MYO16: variants seen among roughly 807,000 people sequenced by gnomAD.
MYO16 encodes the protein myosin XVI.
Under a neutral mutation model 205.3 loss-of-function variants are expected in MYO16, and 94 were observed. The ratio of observed to expected loss-of-function variants is 0.46; its 90% CI spans 0.39 to 0.54. MYO16 has a LOEUF of 0.54. Ranked by LOEUF, MYO16 falls within the 20% of genes least tolerant of loss-of-function variation. The pLI, the probability that MYO16 is intolerant of heterozygous loss-of-function variation, is 0.00. For missense variants in MYO16, 2,315 were observed against 2,387.5 expected, an observed-to-expected ratio of 0.97 and a Z score of 0.63; for synonymous variants, 988 against 954.0, an observed-to-expected ratio of 1.04 and a Z score of -0.66.
chr13:109,016,872 TG>T (rs1471997441), intron 22 of MYO16, among the ~76,000 whole-genome samples: 1 of 152,172 alleles, frequency 6.6e-6, no homozygotes, highest in Admixed American at 6.5e-5. Context: ...GCATGTGAGA[TG>T]GGTCTCCTGA....
Position 109,162,116 on chromosome 13 carries a change from T to C in MYO16, c.5165-2785T>C, listed in dbSNP as rs1878414718. 6.6e-6 allele frequency among the ~76,000 whole-genome samples: 1 copy of C among 152,182 alleles called. No individual in the cohort carries two copies. Among genetic ancestry groups the C allele is most frequent in the Non-Finnish European group, 1.5e-5 (1 of 68,020 alleles). ...CAAAACAAAGCCCAAAAAACATGTC[T>C]TGGCTATAGTTTAACCTGCCAATTG... On this transcript the variant is annotated intron_variant, in intron 32 of 34. Transcript: ENST00000457511. This position sits in a 1 kb window ranked among gnomAD's most constrained non-coding sequence, Gnocchi z 4.6.
intron 10 of MYO16, among the ~76,000 whole-genome samples, chr13:108,853,690 A>C (rs1336457928): frequency 2.0e-5 from 3 of 149,746 alleles, no homozygotes; most frequent in Non-Finnish European, 4.5e-5. Context: ...TCAAACCCAA[A>C]CCCCTAGGTT....
intron 23 of MYO16, among the ~76,000 whole-genome samples, chr13:109,023,675 A>AT (rs1886224327): frequency 7.7e-6 from 1 of 130,180 alleles, no homozygotes; most frequent in Non-Finnish European, 1.6e-5. Flanking sequence ...ATGCAAATAT[A>AT]TGTATATATA....
At chr13:108,674,075 G>A (rs912788032) in intron 2 of MYO16, among the ~76,000 whole-genome samples, 2 of 152,128 alleles carry the variant, frequency 1.3e-5, no homozygotes, top group African/African-American at 4.8e-5. Flanking sequence ...ATTGAATGAT[G>A]TATTCATTGA....
chr13:109,059,642 G>A (rs1257214956), intron 27 of MYO16, among the ~76,000 whole-genome samples: 2 of 152,036 alleles, frequency 1.3e-5, no homozygotes, highest in African/African-American at 4.8e-5. Flanking sequence ...TAAGTTCCTT[G>A]TAGATTCTGG....
chr13:109,137,202 T>C (rs977048841), intron 31 of MYO16, among the ~76,000 whole-genome samples: 1 of 152,066 alleles, frequency 6.6e-6, no homozygotes, highest in Non-Finnish European at 1.5e-5. Context: ...TACATGGAAG[T>C]CAGGGCTACC....
At chr13:108,591,560 T>C (rs985117696), upstream of MYO16, among the ~76,000 whole-genome samples, 2 of 152,198 alleles carry the variant, frequency 1.3e-5, no homozygotes, top group African/African-American at 4.8e-5. Context: ...TCAATGGCTT[T>C]TCATAATGAT....
the MYO16 span, among the ~76,000 whole-genome samples, chr13:108,550,776 T>C: frequency 6.6e-6 from 1 of 152,242 alleles, no homozygotes; most frequent in African/African-American, 2.4e-5. Context: ...TGCTAATATT[T>C]TGGAACTGAA....
At chr13:108,564,418 C>T in the MYO16 span, among the ~76,000 whole-genome samples, 2 of 152,162 alleles carry the variant, frequency 1.3e-5, no homozygotes, top group African/African-American at 4.8e-5. Context: ...ATCTGCCCAT[C>T]TCGGCCTCCT....
intron 2 of MYO16, among the ~76,000 whole-genome samples, chr13:108,668,890 C>A (rs2139440039): frequency 6.6e-6 from 1 of 152,132 alleles, no homozygotes; most frequent in South Asian, 2.1e-4. Flanking sequence ...CCAAAATGCT[C>A]CCTACTACAG....
At chr13:108,842,341 T>G (rs1246741985) in intron 9 of MYO16, among the ~76,000 whole-genome samples, 1 of 152,146 alleles carries the variant, frequency 6.6e-6, no homozygotes, top group Non-Finnish European at 1.5e-5. Context: ...TACATATATG[T>G]GCATATGTAT....
chr13:108,820,318 A>G lies in MYO16; in HGVS notation c.868-19A>G, dbSNP rs142399061. 10 of 1,564,778 alleles carry G rather than the reference A, an allele frequency of 6.4e-6. No individual in the cohort carries two copies. Among genetic ancestry groups the G allele is most frequent in the East Asian group, 2.4e-5 (1 of 41,942 alleles). Reference sequence around the variant, plus strand: ...TTCTGCCATGGTGGTTCCCATTTCAATTATCTTTAATATTTCAGACAAATC... The same window carrying G: ...TTCTGCCATGGTGGTTCCCATTTCAGTTATCTTTAATATTTCAGACAAATC... On this transcript the variant is annotated intron_variant, in intron 7 of 34. Coordinates refer to ENST00000457511, the MANE Select transcript of MYO16 (RefSeq NM_001198950.3).
At chr13:109,193,339 T>C (rs1880007555) in intron 34 of MYO16, among the ~76,000 whole-genome samples, 1 of 152,208 alleles carries the variant, frequency 6.6e-6, no homozygotes, top group South Asian at 2.1e-4. Context: ...AGTGCCTCTC[T>C]TACCTCCAGT....
the MYO16 span, among the ~76,000 whole-genome samples, chr13:108,580,228 A>G: frequency 6.6e-6 from 1 of 152,228 alleles, no homozygotes; most frequent in Admixed American, 6.5e-5. Context: ...CAGCATCTAC[A>G]GATTAGAGGT....
In MYO16 at chr13:109,140,967, G is replaced by C. The variant is rs1250475299; in HGVS notation, c.4755G>C (p.Gly1585=). 1.4e-6 allele frequency: 2 copies of C among 1,462,574 alleles called. No homozygotes were observed. Among genetic ancestry groups the C allele is most frequent in the African/African-American group, 1.5e-5 (1 of 68,234 alleles). 90.6% of individuals were successfully genotyped at this position (1,462,574 alleles called of 1,614,324 possible). A position where few individuals can be genotyped will look rare whatever the true frequency, so the allele number is the denominator to read the frequency against. Residue 1585 remains glycine, a synonymous_variant, in exon 32 of 35, where the codon GGG becomes GGC. Coordinates refer to ENST00000457511, the MANE Select transcript of MYO16 (RefSeq NM_001198950.3). This position sits in a 1 kb window ranked among gnomAD's most constrained non-coding sequence, Gnocchi z 8.0. ...PASPGLALFN[G]SGRASPPSTP... is the part of the protein sequence containing the mutation. ...CCCCCGGCCTGGCGCTGTTCAACGG[G>C]TCCGGCCGAGCCTCCCCGCCGTCCA...
chr13:108,525,400 T>A, the MYO16 span, among the ~76,000 whole-genome samples: 413 of 152,340 alleles, frequency 2.7e-3, 3 homozygotes, highest in African/African-American at 9.3e-3. Context: ...TTGTGAGTGC[T>A]GTGCTCTGCT....
Position 109,019,777 on chromosome 13 carries a change from T to A in MYO16, c.2662T>A (p.Phe888Ile). The change falls in exon 23 of 35, where the codon TTT becomes ATT. Residue 888 changes from phenylalanine to isoleucine, a missense_variant. Phe to Ile is a conservative substitution (Grantham distance 21). This residue lies in a region of MYO16 where 1,213 missense variants were observed against 1,274.4 expected (regional missense o/e 0.95). Coordinates refer to ENST00000457511, the MANE Select transcript of MYO16 (RefSeq NM_001198950.3). ...AATGATTTGGTCAGTGGAATCAAAT[T>A]TTCCAAAAAAACTACAAAGTCTCCT... ...SQMIWSVESN[F>I]PKKLQSLLES... 1 of 1,614,108 alleles carries A rather than the reference T, an allele frequency of 6.2e-7. No individual in the cohort carries two copies. The highest frequency in any genetic ancestry group is 8.5e-7 in the Non-Finnish European group (1 of 1,180,002).
At chr13:108,669,431 A>T (rs1429827563) in intron 2 of MYO16, among the ~76,000 whole-genome samples, 1 of 152,158 alleles carries the variant, frequency 6.6e-6, no homozygotes, top group African/African-American at 2.4e-5. Flanking sequence ...GAGCTCTTTA[A>T]AGGAGGTTTC....
rs779200292 is a variant in MYO16 at position 108,992,407 on chromosome 13, A to G, written c.2401A>G (p.Ile801Val). The change falls in exon 21 of 35, where the codon ATT (isoleucine) becomes GTT (valine). Residue 801 changes from isoleucine (I) to valine (V), a missense_variant. Around this residue, in one of 3 missense-constraint regions of MYO16, gnomAD observed 1,213 missense variants for 1,274.4 expected, o/e 0.95. Coordinates refer to ENST00000457511, the MANE Select transcript of MYO16 (RefSeq NM_001198950.3). ...GACATTGGATATTGGAATATTGGAC[A>G]TTTTTGGTTTTGAAGAGTTTCAAAA... ...MQTLDIGILD[I>V]FGFEEFQKNE... 2 of 1,610,232 alleles carry G rather than the reference A, an allele frequency of 1.2e-6. No homozygotes were observed. Among genetic ancestry groups the G allele is most frequent in the Non-Finnish European group, 1.7e-6 (2 of 1,177,078 alleles).
Sources: allele counts gnomAD v4.1 joint callset (sites outside exome capture counted in the v4.1 genomes callset), GRCh38; gene constraint gnomAD v4.1.1; regional missense constraint gnomAD v4.1.1; non-coding constraint Gnocchi (gnomAD v3.1); transcripts MANE v1.5; gene names NCBI Gene and HGNC (gene_info 2026-07-23, HGNC 2026-07-21).